EGFLAM: variants seen among roughly 807,000 people sequenced by gnomAD.
The protein encoded by EGFLAM is EGF like, fibronectin type III and laminin G domains.
In EGFLAM, 79 loss-of-function variants were observed where a neutral mutation model predicts 113.1. The ratio of observed to expected loss-of-function variants is 0.70; its 90% CI spans 0.58 to 0.84. EGFLAM has a LOEUF of 0.84. Among genes scored for constraint, EGFLAM ranks in the 40% least tolerant of loss-of-function variants. EGFLAM has a pLI of 0.00. For missense variants in EGFLAM, 1,265 were observed against 1,291.6 expected, an observed-to-expected ratio of 0.98 and a Z score of 0.32; for synonymous variants, 504 against 487.6, an observed-to-expected ratio of 1.03 and a Z score of -0.44.
intron 1 of EGFLAM, among the ~76,000 whole-genome samples, chr5:38,285,450 TCCA>T (rs1343804693): frequency 6.6e-6 from 1 of 152,042 alleles, no homozygotes; most frequent in African/African-American, 2.4e-5. Context: ...CTACACACAC[TCCA>T]CATTAGCAGG....
chr5:38,311,545 A>G (rs1738445853), intron 1 of EGFLAM, among the ~76,000 whole-genome samples: 1 of 152,190 alleles, frequency 6.6e-6, no homozygotes, highest in East Asian at 1.9e-4. Context: ...AAAAGGCTAA[A>G]TAGTATCCCA....
At chr5:38,343,464 AC>A (rs1739397208) in intron 3 of EGFLAM, among the ~76,000 whole-genome samples, 1 of 151,384 alleles carries the variant, frequency 6.6e-6, no homozygotes, top group South Asian at 2.1e-4. Context: ...AACTGGGGGT[AC>A]CTTTGTCCCC....
At chr5:38,444,187 T>A (rs190286871) in intron 17 of EGFLAM, among the ~76,000 whole-genome samples, 1 of 152,234 alleles carries the variant, frequency 6.6e-6, no homozygotes, top group Admixed American at 6.5e-5. Context: ...TCTGTGTGTG[T>A]CACCATATGG....
In EGFLAM at chr5:38,293,057, T is replaced by G. The variant is rs532755778; in HGVS notation, c.97+34206T>G. On this transcript the variant is annotated intron_variant, in intron 1 of 21. Coordinates refer to ENST00000322350, the MANE Select transcript of EGFLAM (RefSeq NM_152403.4). Reference sequence around the variant, plus strand: ...CCATTGAGACTCTGACTCCATATGTTTTTCATTTCCACTTGGAGGAGTTTG... The same window carrying G: ...CCATTGAGACTCTGACTCCATATGTGTTTCATTTCCACTTGGAGGAGTTTG... Among the ~76,000 whole-genome samples, 5 of 152,352 alleles carry G rather than the reference T, an allele frequency of 3.3e-5. No individual in the cohort carries two copies. In the East Asian group the frequency reaches 9.6e-4, roughly 29 times the overall value.
At chr5:38,357,665 A>G (rs1739798378) in intron 5 of EGFLAM, among the ~76,000 whole-genome samples, 1 of 152,162 alleles carries the variant, frequency 6.6e-6, no homozygotes, top group Non-Finnish European at 1.5e-5. Flanking sequence ...AATTGTAGAA[A>G]TTGGTTTATC....
At chr5:38,326,559 T>G (rs927536736) in intron 1 of EGFLAM, among the ~76,000 whole-genome samples, 7 of 151,344 alleles carry the variant, frequency 4.6e-5, no homozygotes, top group African/African-American at 1.7e-4. Context: ...AGTGCAGTGG[T>G]GCAATCTCAG....
At chr5:38,266,414 G>A (rs979694623) in intron 1 of EGFLAM, among the ~76,000 whole-genome samples, 3 of 152,210 alleles carry the variant, frequency 2.0e-5, no homozygotes, top group African/African-American at 4.8e-5. Context: ...AGTAATGCAT[G>A]TAGCAGGGCA....
At chr5:38,408,034 C>A in intron 9 of EGFLAM, 129 bp downstream of exon 9, 1 of 658,284 alleles carries the variant, frequency 1.5e-6, no homozygotes, top group South Asian at 1.8e-5. Flanking sequence ...TGACACAGAG[C>A]CTGTCTCTAA....
chr5:38,392,146 T>C (rs572740891), intron 6 of EGFLAM, among the ~76,000 whole-genome samples: 2 of 152,310 alleles, frequency 1.3e-5, no homozygotes, highest in African/African-American at 4.8e-5. Flanking sequence ...TCTATTGTTT[T>C]TCTTCTTCGT....
At chr5:38,401,672 C>T (rs201955761) in intron 6 of EGFLAM, among the ~76,000 whole-genome samples, 2 of 151,984 alleles carry the variant, frequency 1.3e-5, no homozygotes, top group Admixed American at 6.6e-5. Flanking sequence ...AGGTGTTGAC[C>T]TTTGTTGAGT....
chr5:38,454,416 G>T (rs1178752877), intron 19 of EGFLAM, among the ~76,000 whole-genome samples: 1 of 152,020 alleles, frequency 6.6e-6, no homozygotes, highest in East Asian at 1.9e-4. Context: ...AAAACGACAG[G>T]GTTCGCTGTA....
At chr5:38,351,733 G>A (rs1274099043) in intron 4 of EGFLAM, among the ~76,000 whole-genome samples, 1 of 152,058 alleles carries the variant, frequency 6.6e-6, no homozygotes, top group East Asian at 1.9e-4. Flanking sequence ...GATTGTCAGG[G>A]GCAAAACACA....
At chr5:38,318,311 A>G (rs765934709) in intron 1 of EGFLAM, among the ~76,000 whole-genome samples, 4 of 151,520 alleles carry the variant, frequency 2.6e-5, no homozygotes, top group African/African-American at 4.8e-5. Context: ...TATAGATAGA[A>G]TAATATATTA....
chr5:38,415,182 G>T (rs1240456811), intron 11 of EGFLAM, among the ~76,000 whole-genome samples: 1 of 151,118 alleles, frequency 6.6e-6, no homozygotes, highest in Admixed American at 6.6e-5. Flanking sequence ...GCCAACATGT[G>T]AAACCTTGTC....
In EGFLAM at chr5:38,418,109, G is replaced by C; in HGVS notation, c.1538G>C (p.Gly513Ala). ...KITFRTPLYLGGAPSAYWLVR... is the reference protein window; with the variant it reads ...KITFRTPLYLAGAPSAYWLVR... ...ACTTTCCGGACACCTCTCTATCTTG[G>C]TGGCGCTCCCAGCGCTTACTGGTTG... is the stretch of plus-strand genomic sequence containing the variant. Residue 513 changes from glycine to alanine, a missense_variant, in exon 12 of 22, where the codon GGT (glycine) becomes GCT (alanine). Physicochemically the swap from Gly to Ala is moderately conservative, Grantham distance 60. Transcript: ENST00000322350. 1.2e-6 allele frequency: 2 copies of C among 1,614,124 alleles called. No homozygotes were observed. Among genetic ancestry groups the C allele is most frequent in the Non-Finnish European group, 1.7e-6 (2 of 1,180,006 alleles).
intron 2 of EGFLAM, among the ~76,000 whole-genome samples, chr5:38,338,348 G>A (rs1046315862): frequency 6.6e-6 from 1 of 152,004 alleles, no homozygotes; most frequent in African/African-American, 2.4e-5. Context: ...TCATCCTATT[G>A]TTTTCTGAAA....
At chr5:38,358,410 GC>G (rs1739823014) in intron 5 of EGFLAM, among the ~76,000 whole-genome samples, 1 of 122,950 alleles carries the variant, frequency 8.1e-6, no homozygotes, top group African/African-American at 3.1e-5. Context: ...TCGCGCCACT[GC>G]ACTCCAGCCT....
intron 19 of EGFLAM, 55 bp downstream of exon 19, chr5:38,451,513 C>T: frequency 1.9e-6 from 3 of 1,587,202 alleles, no homozygotes; most frequent in South Asian, 2.3e-5. Flanking sequence ...TCAGACATTG[C>T]AGATCATGCC....
intron 2 of EGFLAM, 151 bp downstream of exon 2, chr5:38,337,780 G>C (rs1354784555): frequency 1.5e-6 from 1 of 683,940 alleles, no homozygotes; most frequent in Non-Finnish European, 2.5e-6. Flanking sequence ...CCGCTTTGGA[G>C]GGTATTTGTA....
Sources: allele counts gnomAD v4.1 joint callset (sites outside exome capture counted in the v4.1 genomes callset), GRCh38; gene constraint gnomAD v4.1.1; transcripts MANE v1.5; gene names NCBI Gene and HGNC (gene_info 2026-07-23, HGNC 2026-07-21).